CRPPA: variants seen among roughly 807,000 people sequenced by gnomAD.
The protein encoded by CRPPA is CDP-L-ribitol pyrophosphorylase A.
Under a neutral mutation model 52.0 loss-of-function variants are expected in CRPPA, and 43 were observed. The observed-to-expected ratio is 0.83, with a 90% CI of 0.65 to 1.07. The LOEUF is 1.07. CRPPA is among the 50% of genes least tolerant of loss of function. The pLI is 0.00. For synonymous variants in CRPPA, 250 were observed against 203.5 expected (o/e 1.23, Z -1.94); for missense variants, 629 against 551.7 (o/e 1.14, Z -1.40).
At position 16,089,370 on chromosome 7, in the gene CRPPA, G is replaced by GCACA. The variant is rs1554267207; in HGVS notation, c.*2324_*2325insTGTG. ...TACGTATATACATACATACATGCAT[G>GCACA]TACATATATACGTATATATGTATGT... is the stretch of plus-strand genomic sequence containing the variant. On this transcript the variant is annotated 3_prime_UTR_variant, in exon 10 of 10. Coordinates refer to ENST00000407010, the MANE Select transcript of CRPPA (RefSeq NM_001101426.4). The GCACA allele has an allele frequency of 3.5e-6, 1 of 284,490 alleles. No homozygotes were observed. The highest frequency in any genetic ancestry group is 7.1e-6 in the Non-Finnish European group (1 of 141,662). The allele number at this position is 284,490 out of a possible 1,614,324, so 17.6% of individuals were successfully genotyped here.
chr7:16,366,333 A>G (rs983210481), intron 3 of CRPPA, among the ~76,000 whole-genome samples: 2 of 152,188 alleles, frequency 1.3e-5, no homozygotes, highest in African/African-American at 4.8e-5. Flanking sequence ...ACAAACATGA[A>G]CAAACATACA....
At chr7:16,298,470 A>G (rs749011599) in intron 5 of CRPPA, among the ~76,000 whole-genome samples, 23 of 152,232 alleles carry the variant, frequency 1.5e-4, no homozygotes, top group Non-Finnish European at 3.4e-4. Context: ...TAACACTACT[A>G]TAATACAACA....
At chr7:16,211,235 A>C (rs1372011364) in intron 9 of CRPPA, among the ~76,000 whole-genome samples, 1 of 152,224 alleles carries the variant, frequency 6.6e-6, no homozygotes, top group Admixed American at 6.5e-5. Flanking sequence ...AAACTCTATA[A>C]AAACAATTTT....
chr7:16,374,511 T>G (rs1562661716), intron 3 of CRPPA, among the ~76,000 whole-genome samples: 1 of 152,216 alleles, frequency 6.6e-6, no homozygotes, highest in Non-Finnish European at 1.5e-5. Context: ...TCCTATTAGT[T>G]CTGTTCCTCT....
intron 9 of CRPPA, among the ~76,000 whole-genome samples, chr7:16,107,340 A>G (rs1329626201): frequency 6.6e-6 from 1 of 152,178 alleles, no homozygotes; most frequent in African/African-American, 2.4e-5. Context: ...ATCAAAATCA[A>G]AAAATAAATA....
intron 6 of CRPPA, among the ~76,000 whole-genome samples, chr7:16,274,939 T>C (rs1030039761): frequency 6.6e-5 from 10 of 152,090 alleles, no homozygotes; most frequent in African/African-American, 2.2e-4. Flanking sequence ...CAAAAACCTA[T>C]AGACATTATC....
chr7:16,153,563 T>C (rs1324805206), intron 9 of CRPPA, among the ~76,000 whole-genome samples: 1 of 152,146 alleles, frequency 6.6e-6, no homozygotes, highest in Non-Finnish European at 1.5e-5. Context: ...CAAAGCAAAC[T>C]GCAGGTAAAC....
At chr7:16,295,465 G>A (rs1784651374) in intron 5 of CRPPA, among the ~76,000 whole-genome samples, 1 of 151,872 alleles carries the variant, frequency 6.6e-6, no homozygotes, top group African/African-American at 2.4e-5. Flanking sequence ...GGCACCATGA[G>A]GCAGTTTTGT....
intron 8 of CRPPA, among the ~76,000 whole-genome samples, chr7:16,244,931 C>A (rs559760649): frequency 2.6e-5 from 4 of 152,116 alleles, no homozygotes; most frequent in South Asian, 4.2e-4. Flanking sequence ...ACTTTGATAT[C>A]ATTTTGTAAT....
intron 3 of CRPPA, among the ~76,000 whole-genome samples, chr7:16,367,786 A>G (rs185778193): frequency 6.6e-6 from 1 of 152,328 alleles, no homozygotes; most frequent in Non-Finnish European, 1.5e-5. Context: ...ATCTTTAAAA[A>G]TGCGGGGAGG....
intron 3 of CRPPA, 75 bp from the exon 4 acceptor site, chr7:16,308,702 A>C (rs1302861411): frequency 1.1e-6 from 1 of 882,028 alleles, no homozygotes; most frequent in Admixed American, 2.0e-5. Context: ...TTATTTCATA[A>C]TCCATTGCAA....
intron 9 of CRPPA, among the ~76,000 whole-genome samples, chr7:16,116,351 A>G (rs1782370169): frequency 6.6e-6 from 1 of 152,184 alleles, no homozygotes; most frequent in Non-Finnish European, 1.5e-5. Context: ...TGCCAAAAGT[A>G]CAAAGTCATG....
intron 9 of CRPPA, among the ~76,000 whole-genome samples, chr7:16,141,482 A>G (rs1782869405): frequency 6.6e-6 from 1 of 152,218 alleles, no homozygotes; most frequent in African/African-American, 2.4e-5. Flanking sequence ...AACAAAACTA[A>G]AAAATCTGAA....
chr7:16,371,525 G>A (rs1241659037), intron 3 of CRPPA, among the ~76,000 whole-genome samples: 6 of 150,504 alleles, frequency 4.0e-5, no homozygotes, highest in African/African-American at 1.5e-4. Flanking sequence ...CTTGAAAGGG[G>A]AAAAAAATAA....
chr7:16,201,323 C>T (rs1781849936), intron 9 of CRPPA, among the ~76,000 whole-genome samples: 1 of 152,142 alleles, frequency 6.6e-6, no homozygotes, highest in East Asian at 1.9e-4. Context: ...AACCAAGCTA[C>T]CAGTTACAGA....
chr7:16,176,736 C>G (rs942717833), intron 9 of CRPPA, among the ~76,000 whole-genome samples: 12 of 131,944 alleles, frequency 9.1e-5, no homozygotes, highest in Admixed American at 7.8e-4. Flanking sequence ...ACCACCATAC[C>G]TGGCAAAATT....
chr7:16,371,632 G>C (rs1337386365), intron 3 of CRPPA, among the ~76,000 whole-genome samples: 1 of 151,582 alleles, frequency 6.6e-6, no homozygotes, highest in East Asian at 1.9e-4. Flanking sequence ...AAGTAATTCT[G>C]GCAGTATGAC....
At chr7:16,372,050 A>G (rs1786763625) in intron 3 of CRPPA, among the ~76,000 whole-genome samples, 2 of 152,186 alleles carry the variant, frequency 1.3e-5, no homozygotes, top group South Asian at 4.1e-4. Flanking sequence ...TCTCCAAGAA[A>G]TATTGGATTA....
chr7:16,221,354 C>A (rs982373813), intron 8 of CRPPA, among the ~76,000 whole-genome samples: 1 of 152,086 alleles, frequency 6.6e-6, no homozygotes, highest in African/African-American at 2.4e-5. Flanking sequence ...AGAAGAAAAC[C>A]TAGGCATCAC....
Sources: allele counts gnomAD v4.1 joint callset (sites outside exome capture counted in the v4.1 genomes callset), GRCh38; gene constraint gnomAD v4.1.1; transcripts MANE v1.5; gene names NCBI Gene and HGNC (gene_info 2026-07-23, HGNC 2026-07-21).